The following CHODL variants were observed in gnomAD, a reference collection of about 807,000 sequenced individuals.
CHODL encodes the protein chondrolectin, also known as transmembrane protein MT75.
CHODL carries 29 observed loss-of-function variants against 34.5 expected under a neutral mutation model. The observed-to-expected ratio is 0.84, with a 90% CI of 0.63 to 1.15. The LOEUF is 1.15. Ranked by LOEUF, CHODL falls within the 50% of genes most tolerant of loss-of-function variation. CHODL has a pLI of 0.00. For missense variants in CHODL, 332 were observed against 332.5 expected, an observed-to-expected ratio of 1.00 and a Z score of 0.01; for synonymous variants, 125 against 116.1, an observed-to-expected ratio of 1.08 and a Z score of -0.49.
intron 2 of CHODL, among the ~76,000 whole-genome samples, chr21:18,158,683 C>A (rs908059467): frequency 2.6e-5 from 4 of 151,760 alleles, no homozygotes; most frequent in African/African-American, 9.7e-5. Context: ...ACTAAAAATA[C>A]AAAAATCAGC....
intron 2 of CHODL, among the ~76,000 whole-genome samples, chr21:18,052,950 C>T (rs1401822432): frequency 6.6e-6 from 1 of 151,886 alleles, no homozygotes; most frequent in Non-Finnish European, 1.5e-5. Context: ...GATAGGTTTT[C>T]AAACATTGAG....
At chr21:18,044,291 T>G (rs2064413780) in intron 2 of CHODL, among the ~76,000 whole-genome samples, 1 of 152,022 alleles carries the variant, frequency 6.6e-6, no homozygotes, top group Admixed American at 6.6e-5. Context: ...TGCTCTTGTA[T>G]TTACATTTAA....
chr21:18,019,537 A>C (rs1199300711), intron 1 of CHODL, among the ~76,000 whole-genome samples: 2 of 152,168 alleles, frequency 1.3e-5, no homozygotes, highest in South Asian at 2.1e-4. Context: ...ATTTACCCTG[A>C]TGTGATTATT....
intron 2 of CHODL, among the ~76,000 whole-genome samples, chr21:18,082,655 C>T (rs957595403): frequency 5.3e-5 from 8 of 152,162 alleles, no homozygotes; most frequent in Non-Finnish European, 1.0e-4. Context: ...GTAAAGGTCA[C>T]TCTTGCTATG....
chr21:17,998,116 C>T (rs999861048), intron 1 of CHODL, among the ~76,000 whole-genome samples: 1 of 152,194 alleles, frequency 6.6e-6, no homozygotes, highest in African/African-American at 2.4e-5. Context: ...GTAAATAGAG[C>T]TGTTCCAAAT....
intron 1 of CHODL, among the ~76,000 whole-genome samples, chr21:17,964,668 A>T (rs768084566): frequency 2.0e-5 from 3 of 152,140 alleles, no homozygotes; most frequent in Non-Finnish European, 4.4e-5. Context: ...TGGTTTAATG[A>T]TTCCTGGTTT....
chr21:18,193,719 ATAAAT>A lies in CHODL; in HGVS notation c.-44-62789_-44-62785del, dbSNP rs1225179416. ...TCAGAAAAAAAAAAAAATAAAATAA[ATAAAT>A]AAATAAATAAATAAATAAATAAAAA... On this transcript the variant is annotated intron_variant, in intron 2 of 6. Transcript: ENST00000400127. 1.9e-4 allele frequency among the ~76,000 whole-genome samples: 28 copies of A among 144,628 alleles called. 1 individual carries two copies. The highest frequency in any genetic ancestry group is 1.7e-3 in the Admixed American group (24 of 13,818). The allele number at this position is 144,628 out of a possible 152,430, so 94.9% of individuals were successfully genotyped here.
At chr21:18,213,487 C>T (rs2073793556) in intron 2 of CHODL, among the ~76,000 whole-genome samples, 1 of 152,138 alleles carries the variant, frequency 6.6e-6, no homozygotes, top group African/African-American at 2.4e-5. Flanking sequence ...TTGCAACTAA[C>T]ATTGTTTGAG....
intron 2 of CHODL, among the ~76,000 whole-genome samples, chr21:18,066,168 A>G (rs999725798): frequency 1.3e-5 from 2 of 152,144 alleles, no homozygotes; most frequent in African/African-American, 4.8e-5. Context: ...ATATAAGGCT[A>G]TATATTTTAC....
intron 2 of CHODL, among the ~76,000 whole-genome samples, chr21:18,089,757 A>G (rs947685393): frequency 1.3e-4 from 18 of 139,548 alleles, no homozygotes; most frequent in Non-Finnish European, 2.4e-4. Context: ...TAAACTTACA[A>G]CAAAGAAGAG....
At chr21:18,228,153 A>C (rs2073947806) in intron 2 of CHODL, among the ~76,000 whole-genome samples, 1 of 152,132 alleles carries the variant, frequency 6.6e-6, no homozygotes. Context: ...AATATTTCAC[A>C]CTAAAAATTA....
chr21:18,214,214 T>C, intron 2 of CHODL, among the ~76,000 whole-genome samples: 1 of 152,126 alleles, frequency 6.6e-6, no homozygotes, highest in Admixed American at 6.6e-5. Context: ...TTCATAAGTC[T>C]TATTTATCCA....
intron 2 of CHODL, among the ~76,000 whole-genome samples, chr21:18,139,485 C>T (rs992640949): frequency 1.3e-5 from 2 of 152,022 alleles, no homozygotes; most frequent in Non-Finnish European, 2.9e-5. Flanking sequence ...AAGCTCATGG[C>T]CCAAGTAAAG....
At chr21:18,079,162 C>CTT (rs2064903917) in intron 2 of CHODL, among the ~76,000 whole-genome samples, 1 of 152,024 alleles carries the variant, frequency 6.6e-6, no homozygotes, top group Admixed American at 6.6e-5. Flanking sequence ...GTCTATTATT[C>CTT]TTCTCTGTAT....
chr21:18,233,948 A>T (rs113379978), intron 2 of CHODL, among the ~76,000 whole-genome samples: 599 of 152,248 alleles, frequency 3.9e-3, no homozygotes, highest in African/African-American at 0.014. Context: ...TTTTTTGATG[A>T]CATACTGAAG....
intron 2 of CHODL, among the ~76,000 whole-genome samples, chr21:18,188,108 C>G (rs913906840): frequency 6.6e-5 from 10 of 150,886 alleles, no homozygotes; most frequent in Non-Finnish European, 1.3e-4. Context: ...TAAAATTGAT[C>G]ATTTTTTTTT....
chr21:17,997,182 C>T (rs965657697), intron 1 of CHODL, among the ~76,000 whole-genome samples: 11 of 152,124 alleles, frequency 7.2e-5, no homozygotes, highest in Admixed American at 3.9e-4. Flanking sequence ...CATTTGTCTT[C>T]CAAATAATCT....
At chr21:18,017,096 T>G (rs1250836963) in intron 1 of CHODL, among the ~76,000 whole-genome samples, 5 of 152,220 alleles carry the variant, frequency 3.3e-5, no homozygotes, top group African/African-American at 9.7e-5. Context: ...GACTTTGCAA[T>G]TGGACTTTTG....
intron 2 of CHODL, among the ~76,000 whole-genome samples, chr21:18,050,622 C>T (rs2824615): frequency 0.14 from 21,695 of 151,864 alleles, 1,647 homozygotes; most frequent in Middle Eastern, 0.18. Flanking sequence ...ATAGAACCAA[C>T]GATGACTCCC....
Sources: allele counts gnomAD v4.1 joint callset (sites outside exome capture counted in the v4.1 genomes callset), GRCh38; gene constraint gnomAD v4.1.1; transcripts MANE v1.5; gene names NCBI Gene and HGNC (gene_info 2026-07-23, HGNC 2026-07-21).